COLEC10: variants seen among roughly 807,000 people sequenced by gnomAD.
The protein encoded by COLEC10 is collectin-10.
COLEC10 carries 22 observed loss-of-function variants against 28.4 expected under a neutral mutation model. That is an observed-to-expected ratio of 0.78 (90% CI 0.55 to 1.11). COLEC10 has a LOEUF of 1.11. Among genes scored for constraint, COLEC10 ranks in the 50% least tolerant of loss-of-function variants. The probability of loss-of-function intolerance (pLI) is 0.00; values close to 1 mark genes in which losing one functional copy is unlikely to be tolerated. For missense variants in COLEC10, 361 were observed against 344.1 expected, an observed-to-expected ratio of 1.05 and a Z score of -0.39; for synonymous variants, 125 against 116.1, an observed-to-expected ratio of 1.08 and a Z score of -0.49.
chr8:119,038,195 C>T (rs1266221621), intron 2 of COLEC10, among the ~76,000 whole-genome samples: 1 of 152,208 alleles, frequency 6.6e-6, no homozygotes, highest in South Asian at 2.1e-4. Context: ...TCAACCTGGG[C>T]TCAAATCACA....
chr8:119,055,238 T>C lies in COLEC10; in HGVS notation n.236-34442T>C, dbSNP rs1336297471. Among the ~76,000 whole-genome samples the C allele has an allele frequency of 2.0e-5, 3 of 152,008 alleles. No individual in the cohort carries two copies. In the East Asian group the frequency reaches 5.8e-4, roughly 29 times the overall value. On this transcript the variant is annotated intron_variant and non_coding_transcript_variant, in intron 2 of 6. Coordinates refer to the COLEC10 transcript ENST00000521788. ...TAGGTCAACCACTCACTGTTCAGTG[T>C]GTGGAAACCCTACTGATTGAGGCTT...
At chr8:118,956,523 C>T in the COLEC10 span, among the ~76,000 whole-genome samples, 1 of 152,140 alleles carries the variant, frequency 6.6e-6, no homozygotes, top group African/African-American at 2.4e-5. Context: ...GGAAGAGATA[C>T]AACCTCTTGC....
Position 119,067,275 on chromosome 8 carries a change from C to T in COLEC10, c.-7C>T, listed in dbSNP as rs761223672. 14 of 1,613,072 alleles carry T rather than the reference C, an allele frequency of 8.7e-6. No individual in the cohort carries two copies. Among genetic ancestry groups the T allele is most frequent in the Non-Finnish European group, 1.2e-5 (14 of 1,179,566 alleles). On this transcript the variant is annotated 5_prime_UTR_variant, in exon 1 of 6. Coordinates refer to ENST00000332843, the MANE Select transcript of COLEC10 (RefSeq NM_006438.5). ...TCTGGGAGACCCTTTTCTGAGGAACCACAGCAATGAATGGCTTTGCATCCT... is the reference window on the plus strand; with the variant it reads ...TCTGGGAGACCCTTTTCTGAGGAACTACAGCAATGAATGGCTTTGCATCCT...
intron 2 of COLEC10, among the ~76,000 whole-genome samples, chr8:119,029,252 G>A (rs139177772): frequency 3.3e-5 from 5 of 152,214 alleles, no homozygotes; most frequent in Admixed American, 6.5e-5. Flanking sequence ...TCAGATTTTC[G>A]TTTTGCAAAG....
chr8:119,043,075 A>G (rs546967414), intron 2 of COLEC10, among the ~76,000 whole-genome samples: 1 of 152,318 alleles, frequency 6.6e-6, no homozygotes, highest in East Asian at 1.9e-4. Context: ...AAGACAAAAC[A>G]CCACCCCAAA....
At chr8:119,077,252 T>TC (rs528946535) in intron 1 of COLEC10, among the ~76,000 whole-genome samples, 13,216 of 122,916 alleles carry the variant, frequency 0.11, 755 homozygotes, top group Middle Eastern at 0.19. Flanking sequence ...GATTTTTTTT[T>TC]TTTTTTTTTT....
At chr8:118,983,232 G>C in the COLEC10 span, among the ~76,000 whole-genome samples, 1 of 152,080 alleles carries the variant, frequency 6.6e-6, no homozygotes, top group Non-Finnish European at 1.5e-5. Flanking sequence ...ATCCACTCTT[G>C]TGTCTACTGG....
Position 119,000,356 on chromosome 8 carries a change from G to A in COLEC10, n.122+4783G>A, listed in dbSNP as rs553414580. 2.0e-5 allele frequency among the ~76,000 whole-genome samples: 3 copies of A among 152,288 alleles called. No individual in the cohort carries two copies. The South Asian group carries it at 6.2e-4, about 32-fold the overall frequency. Reference sequence around the variant, plus strand: ...TGATAGGATTATATGGCATTGTGGAGTGCCAATTTGAGACTTGTAGTCATG... The same window carrying A: ...TGATAGGATTATATGGCATTGTGGAATGCCAATTTGAGACTTGTAGTCATG... On this transcript the variant is annotated intron_variant and non_coding_transcript_variant, in intron 1 of 6. Coordinates refer to the COLEC10 transcript ENST00000521788.
chr8:119,038,607 A>G (rs1358546082), intron 2 of COLEC10, among the ~76,000 whole-genome samples: 1 of 152,240 alleles, frequency 6.6e-6, no homozygotes, highest in Non-Finnish European at 1.5e-5. Context: ...ATTCTTCTAT[A>G]TAAGTTGGCA....
chr8:118,957,662 G>A, the COLEC10 span, among the ~76,000 whole-genome samples: 1 of 152,322 alleles, frequency 6.6e-6, no homozygotes, highest in Admixed American at 6.5e-5. Flanking sequence ...CATGCTAACA[G>A]GTAATGTGGC....
chr8:119,058,544 T>C (rs1422705751), intron 2 of COLEC10, among the ~76,000 whole-genome samples: 1 of 152,102 alleles, frequency 6.6e-6, no homozygotes, highest in East Asian at 1.9e-4. Flanking sequence ...TGATTTTTCT[T>C]TTTTTATTTA....
At chr8:118,982,235 T>A in the COLEC10 span, among the ~76,000 whole-genome samples, 1 of 152,078 alleles carries the variant, frequency 6.6e-6, no homozygotes, top group East Asian at 1.9e-4. Flanking sequence ...ATGCTACACC[T>A]ACCTCCCTTC....
In COLEC10 at chr8:119,090,998, T is replaced by C. The variant is rs534673289; in HGVS notation, c.221-151T>C. On this transcript the variant is annotated intron_variant, in intron 2 of 5. Coordinates refer to ENST00000332843, the MANE Select transcript of COLEC10 (RefSeq NM_006438.5). The stretch of plus-strand genomic sequence containing the variant: ...TTTTAATACATACATTATAAGTCTG[T>C]TAAACTAGACAATATAGCATGGGAT... The C allele has an allele frequency of 2.1e-5, 14 of 656,508 alleles. No homozygotes were observed. The African/African-American group carries it at 2.6e-4, about 12-fold the overall frequency. 40.7% of individuals were successfully genotyped at this position (656,508 alleles called of 1,614,324 possible).
intron 2 of COLEC10, among the ~76,000 whole-genome samples, chr8:119,031,771 A>G (rs1283105022): frequency 1.3e-5 from 2 of 151,832 alleles, no homozygotes; most frequent in African/African-American, 2.4e-5. Context: ...AATGGAAGGA[A>G]TAATTATTTA....
At chr8:118,995,609 G>A (rs946471658) in intron 1 of COLEC10, 1 of 152,096 alleles carries the variant, frequency 6.6e-6, no homozygotes, top group African/African-American at 2.4e-5. Context: ...TGGGCTCCTG[G>A]TGCATGAAAC....
intron 2 of COLEC10, among the ~76,000 whole-genome samples, chr8:119,028,851 T>C (rs1814239619): frequency 6.6e-6 from 1 of 152,196 alleles, no homozygotes. Context: ...TAGTTAACAG[T>C]GGTAACTAGT....
At chr8:119,009,686 T>A (rs1328629003) in intron 2 of COLEC10, 1 of 150,878 alleles carries the variant, frequency 6.6e-6, no homozygotes, top group Non-Finnish European at 1.5e-5. Context: ...GATTTTTTAA[T>A]TCCTGCTTTA....
intron 3 of COLEC10, among the ~76,000 whole-genome samples, chr8:119,093,895 C>T (rs1587060425): frequency 6.6e-6 from 1 of 152,170 alleles, no homozygotes; most frequent in Admixed American, 6.5e-5. Flanking sequence ...CTCTCCTGCT[C>T]CAGTTTCCCT....
chr8:118,989,917 T>C, the COLEC10 span, among the ~76,000 whole-genome samples: 8 of 152,256 alleles, frequency 5.3e-5, no homozygotes, highest in Middle Eastern at 6.8e-3. Flanking sequence ...AATGTTTCAG[T>C]GAGCATTTCC....
Sources: gnomAD v4.1 joint callset for allele counts (sites outside exome capture counted in the v4.1 genomes callset) on GRCh38, gnomAD v4.1.1 for gene constraint, MANE v1.5 for transcripts, NCBI Gene and HGNC (gene_info 2026-07-23, HGNC 2026-07-21) for gene names.